NCKAP1: variants seen among roughly 807,000 people sequenced by gnomAD.
NCKAP1 encodes the protein nck-associated protein 1.
In NCKAP1, 21 loss-of-function variants were observed where a neutral mutation model predicts 151.2. That is an observed-to-expected ratio of 0.14 (90% CI 0.10 to 0.20). The LOEUF (loss-of-function observed/expected upper bound fraction) is 0.20, where lower values mean the gene tolerates loss of function less well. Ranked by LOEUF, NCKAP1 falls within the 10% of genes least tolerant of loss-of-function variation. NCKAP1 has a pLI of 1.00. For missense variants in NCKAP1, 933 were observed against 1,352.1 expected (o/e 0.69, Z 4.86); for synonymous variants, 484 against 451.8 (o/e 1.07, Z -0.90).
intron 26 of NCKAP1, among the ~76,000 whole-genome samples, chr2:182,932,173 T>C (rs1169955215): frequency 2.6e-5 from 4 of 152,180 alleles, no homozygotes; most frequent in African/African-American, 7.2e-5. Flanking sequence ...TGTACACGGA[T>C]GTTCACAGTA....
intron 24 of NCKAP1, among the ~76,000 whole-genome samples, chr2:182,937,965 C>T (rs566529523): frequency 6.6e-6 from 1 of 152,206 alleles, no homozygotes; most frequent in South Asian, 2.1e-4. Context: ...GGTCATATAG[C>T]TGAAAATATT....
At position 182,922,791 on chromosome 2, in the gene NCKAP1, T is replaced by C. The variant is rs1696572817; in HGVS notation, c.*2911A>G. ...ACTTTGGGAGGCTGAGGTGGGTGGATCACCTGAGGTCAGGAGTTCGAGACC... is the reference window on the plus strand; with the variant it reads ...ACTTTGGGAGGCTGAGGTGGGTGGACCACCTGAGGTCAGGAGTTCGAGACC... On this transcript the variant is annotated 3_prime_UTR_variant, in exon 31 of 31. Coordinates refer to ENST00000361354, the MANE Select transcript of NCKAP1 (RefSeq NM_013436.5). 1 of 152,252 alleles carries C rather than the reference T, an allele frequency of 6.6e-6. No individual in the cohort carries two copies. Among genetic ancestry groups the C allele is most frequent in the African/African-American group, 2.4e-5 (1 of 41,440 alleles). 9.4% of individuals were successfully genotyped at this position (152,252 alleles called of 1,614,324 possible).
chr2:183,031,964 C>G (rs945038682), intron 1 of NCKAP1, among the ~76,000 whole-genome samples: 21 of 152,106 alleles, frequency 1.4e-4, no homozygotes, highest in African/African-American at 4.6e-4. Flanking sequence ...AATTAAATCA[C>G]CACAGTTAAT....
At position 183,038,413 on chromosome 2, in the gene NCKAP1, G is replaced by C. The variant is rs1699152226; in HGVS notation, c.-314C>G. The C allele has an allele frequency of 9.1e-6, 2 of 219,544 alleles. No homozygotes were observed. The highest frequency in any genetic ancestry group is 4.6e-5 in the African/African-American group (2 of 43,226). The allele number at this position is 219,544 out of a possible 1,614,324, so 13.6% of individuals were successfully genotyped here. ...GCCGCCTTCCCCGGCTGCTCCACTA[G>C]GTGTGGCGGCGGCGGCGGCGGCGGC... On this transcript the variant is annotated 5_prime_UTR_variant, in exon 1 of 31. Transcript: ENST00000361354.
At chr2:182,975,726 C>T (rs957459258) in intron 15 of NCKAP1, among the ~76,000 whole-genome samples, 2 of 151,956 alleles carry the variant, frequency 1.3e-5, no homozygotes, top group African/African-American at 4.8e-5. Flanking sequence ...GACAACATAG[C>T]AAGATTCAGT....
In NCKAP1 at chr2:182,924,036, T is replaced by C. The variant is rs1247766904; in HGVS notation, c.*1666A>G. On this transcript the variant is annotated 3_prime_UTR_variant, in exon 31 of 31. Transcript: ENST00000361354. Reference sequence around the variant, plus strand: ...AGTTATTACCTCTCTAAGATCCTAATATTTCAAAACAAACGGCATTAAATC... The same window carrying C: ...AGTTATTACCTCTCTAAGATCCTAACATTTCAAAACAAACGGCATTAAATC... The C allele has an allele frequency of 2.6e-5, 4 of 152,226 alleles. No individual in the cohort carries two copies. The East Asian group carries it at 7.7e-4, about 29-fold the overall frequency. The allele number at this position is 152,226 out of a possible 1,614,324, so 9.4% of individuals were successfully genotyped here.
At chr2:183,011,589 G>A (rs1054995347) in intron 2 of NCKAP1, among the ~76,000 whole-genome samples, 9 of 152,076 alleles carry the variant, frequency 5.9e-5, no homozygotes, top group South Asian at 2.1e-4. Flanking sequence ...AGCGTTTATC[G>A]TAGTTTGTTC....
intron 1 of NCKAP1, among the ~76,000 whole-genome samples, chr2:183,036,061 T>C (rs567063780): frequency 3.2e-4 from 48 of 152,276 alleles, no homozygotes; most frequent in African/African-American, 1.0e-3. Flanking sequence ...AATGATCACA[T>C]TCAATGCATT....
chr2:182,989,411 C>T (rs1297556220), intron 8 of NCKAP1, among the ~76,000 whole-genome samples: 7 of 151,918 alleles, frequency 4.6e-5, no homozygotes. Flanking sequence ...ACTGACAAAA[C>T]GGGAAAAATG....
chr2:183,009,560 G>A (rs563345671), intron 2 of NCKAP1, among the ~76,000 whole-genome samples: 3 of 152,134 alleles, frequency 2.0e-5, no homozygotes, highest in Non-Finnish European at 4.4e-5. Context: ...ATTACTGAGT[G>A]TTTAAGATGT....
intron 2 of NCKAP1, among the ~76,000 whole-genome samples, chr2:183,013,631 C>T (rs975141938): frequency 6.6e-6 from 1 of 152,184 alleles, no homozygotes; most frequent in Non-Finnish European, 1.5e-5. Flanking sequence ...GCAGACTATT[C>T]TCTACCGAGT....
intron 10 of NCKAP1, among the ~76,000 whole-genome samples, chr2:182,985,666 T>C (rs72888404): frequency 0.05 from 7,662 of 151,844 alleles, 260 homozygotes; most frequent in South Asian, 0.13. Flanking sequence ...GCTGGGAATG[T>C]ACGGCGGGTG....
chr2:182,939,940 T>C (rs916946935), intron 24 of NCKAP1, among the ~76,000 whole-genome samples: 7 of 152,204 alleles, frequency 4.6e-5, no homozygotes, highest in African/African-American at 1.7e-4. Flanking sequence ...AAATGGCCAA[T>C]GAGTTAGAGG....
intron 1 of NCKAP1, among the ~76,000 whole-genome samples, chr2:183,028,341 T>C (rs2675047): frequency 0.06 from 9,168 of 152,120 alleles, 443 homozygotes; most frequent in African/African-American, 0.13. Flanking sequence ...AAACATAAAA[T>C]ACTATAATTT....
At chr2:182,930,823 A>G in intron 26 of NCKAP1, 35 bp from the exon 27 acceptor site, 2 of 1,548,506 alleles carry the variant, frequency 1.3e-6, no homozygotes, top group Non-Finnish European at 1.8e-6. Flanking sequence ...AGCAATAAAT[A>G]GTCTAACAAA....
At chr2:182,953,033 T>A in intron 21 of NCKAP1, 80 bp downstream of exon 21, 1 of 1,482,638 alleles carries the variant, frequency 6.7e-7, no homozygotes, top group Non-Finnish European at 9.1e-7. Context: ...GAATAAGTAC[T>A]TATTCACAAA....
intron 24 of NCKAP1, among the ~76,000 whole-genome samples, chr2:182,938,910 A>C (rs1040384848): frequency 6.6e-6 from 1 of 152,224 alleles, no homozygotes; most frequent in African/African-American, 2.4e-5. Flanking sequence ...GGAGAGCTAG[A>C]AGACATGGCT....
intron 17 of NCKAP1, 96 bp downstream of exon 17, chr2:182,964,580 A>C: frequency 9.4e-7 from 1 of 1,064,528 alleles, no homozygotes; most frequent in Admixed American, 3.0e-5. Flanking sequence ...TGGGAAGCTA[A>C]GTTAGCTAAT....
intron 23 of NCKAP1, among the ~76,000 whole-genome samples, chr2:182,946,189 G>C (rs997980251): frequency 8.5e-5 from 13 of 152,162 alleles, no homozygotes; most frequent in Non-Finnish European, 1.9e-4. Flanking sequence ...CACGAGGTCA[G>C]GAGATCGAGA....
Sources: gnomAD v4.1 joint callset for allele counts (sites outside exome capture counted in the v4.1 genomes callset) on GRCh38, gnomAD v4.1.1 for gene constraint, MANE v1.5 for transcripts, NCBI Gene and HGNC (gene_info 2026-07-23, HGNC 2026-07-21) for gene names.